The following GALNT13 variants were observed in gnomAD, a reference collection of about 807,000 sequenced individuals.
GALNT13 encodes polypeptide N-acetylgalactosaminyltransferase 13.
A neutral mutation model predicts 64.2 loss-of-function variants in GALNT13; 28 were observed. The observed-to-expected ratio is 0.44, with a 90% CI of 0.32 to 0.60. GALNT13 has a LOEUF of 0.60. Ranked by LOEUF, GALNT13 falls within the 20% of genes least tolerant of loss-of-function variation. The pLI is 0.05. For missense variants in GALNT13, 577 were observed against 669.8 expected, an observed-to-expected ratio of 0.86 and a Z score of 1.53; for synonymous variants, 214 against 224.6, an observed-to-expected ratio of 0.95 and a Z score of 0.42.
At chr2:154,190,849 T>C (rs1414906016) in intron 4 of GALNT13, among the ~76,000 whole-genome samples, 1 of 152,226 alleles carries the variant, frequency 6.6e-6, no homozygotes, top group African/African-American at 2.4e-5. Context: ...ATTTATCCAA[T>C]ATATCAAAAA....
intron 3 of GALNT13, among the ~76,000 whole-genome samples, chr2:154,066,507 C>T (rs1173840784): frequency 1.3e-5 from 2 of 151,848 alleles, no homozygotes; most frequent in Non-Finnish European, 2.9e-5. Flanking sequence ...AAATAACATA[C>T]AATGGAGTTC....
At chr2:154,388,115 A>G (rs1027711627) in intron 9 of GALNT13, among the ~76,000 whole-genome samples, 1 of 152,162 alleles carries the variant, frequency 6.6e-6, no homozygotes, top group Non-Finnish European at 1.5e-5. Context: ...TCACTCTAAC[A>G]GGTGCGAGAC....
chr2:153,451,109 A>G, the GALNT13 span, among the ~76,000 whole-genome samples: 1 of 152,176 alleles, frequency 6.6e-6, no homozygotes, highest in East Asian at 1.9e-4. Flanking sequence ...AAAAAGTATT[A>G]TAATTAAGTA....
At chr2:153,673,249 C>A in the GALNT13 span, among the ~76,000 whole-genome samples, 2 of 151,892 alleles carry the variant, frequency 1.3e-5, no homozygotes, top group Non-Finnish European at 2.9e-5. Context: ...GGCAGAGACA[C>A]AACAAAAAAA....
chr2:154,126,554 G>C (rs530751237), intron 3 of GALNT13, among the ~76,000 whole-genome samples: 1 of 150,914 alleles, frequency 6.6e-6, no homozygotes, highest in Non-Finnish European at 1.5e-5. Context: ...AGAATGGCGT[G>C]AACCCGGGAG....
chr2:154,266,982 G>T (rs921764495), intron 8 of GALNT13, among the ~76,000 whole-genome samples: 1 of 151,994 alleles, frequency 6.6e-6, no homozygotes, highest in Admixed American at 6.6e-5. Context: ...AATCAAGACT[G>T]TGTGTTATTA....
the GALNT13 span, among the ~76,000 whole-genome samples, chr2:153,466,953 G>A: frequency 6.6e-6 from 1 of 151,878 alleles, no homozygotes; most frequent in Non-Finnish European, 1.5e-5. Context: ...CAGAATAGGG[G>A]AAATTTATAA....
chr2:153,980,305 T>TA (rs1694375079), intron 3 of GALNT13, among the ~76,000 whole-genome samples: 1 of 152,052 alleles, frequency 6.6e-6, no homozygotes, highest in South Asian at 2.1e-4. Flanking sequence ...AGATATGCAC[T>TA]AAAAAGGATT....
intron 9 of GALNT13, among the ~76,000 whole-genome samples, chr2:154,305,549 AT>A (rs1369081444): frequency 1.3e-5 from 2 of 152,016 alleles, no homozygotes; most frequent in Non-Finnish European, 2.9e-5. Flanking sequence ...GTTTTGTGAG[AT>A]TTCTACTTTT....
intron 3 of GALNT13, among the ~76,000 whole-genome samples, chr2:154,029,080 T>A (rs760274021): frequency 2.0e-5 from 3 of 151,946 alleles, no homozygotes; most frequent in African/African-American, 7.2e-5. Context: ...GCAACCCTAT[T>A]GACTGCAGAT....
At chr2:154,117,726 A>G (rs76059167) in intron 3 of GALNT13, among the ~76,000 whole-genome samples, 1 of 152,230 alleles carries the variant, frequency 6.6e-6, no homozygotes, top group Admixed American at 6.5e-5. Flanking sequence ...AAATAAAAAC[A>G]TAAAGTGGGG....
At chr2:153,181,279 C>A in the GALNT13 span, among the ~76,000 whole-genome samples, 2 of 150,466 alleles carry the variant, frequency 1.3e-5, no homozygotes, top group East Asian at 3.9e-4. Context: ...TTCAGGAGTA[C>A]GTTTTAAAAT....
the GALNT13 span, among the ~76,000 whole-genome samples, chr2:153,450,782 G>A: frequency 2.0e-5 from 3 of 152,124 alleles, no homozygotes; most frequent in Non-Finnish European, 4.4e-5. Context: ...GTAGCCAGTT[G>A]CAATTGACCA....
the GALNT13 span, among the ~76,000 whole-genome samples, chr2:153,139,497 T>A: frequency 6.6e-6 from 1 of 151,884 alleles, no homozygotes; most frequent in African/African-American, 2.4e-5. Flanking sequence ...TTGCCTACGA[T>A]GGGGCGAGGG....
In GALNT13 at chr2:153,940,343, C is replaced by T. The variant is rs1326383481; in HGVS notation, c.-104-4051C>T. Among the ~76,000 whole-genome samples the T allele has an allele frequency of 4.6e-5, 7 of 151,264 alleles. 1 individual carries two copies. Among genetic ancestry groups the T allele is most frequent in the Admixed American group, 1.3e-4 (2 of 15,140 alleles). On this transcript the variant is annotated intron_variant, in intron 2 of 12. Transcript: ENST00000392825. ...TACAATCTCAGCTCACTGCAACCTC[C>T]GCCCCCCAGGTTCAAGTGATTTTCC...
chr2:154,343,071 C>T (rs975684729), intron 9 of GALNT13, among the ~76,000 whole-genome samples: 5 of 151,860 alleles, frequency 3.3e-5, no homozygotes, highest in African/African-American at 9.7e-5. Flanking sequence ...AGAATACAAA[C>T]TTGGGTGGAT....
chr2:154,242,738 A>C lies in GALNT13; in HGVS notation c.519A>C (p.Leu173Phe). 1 of 1,613,590 alleles carries C rather than the reference A, an allele frequency of 6.2e-7. No individual in the cohort carries two copies. The highest frequency in any genetic ancestry group is 2.2e-5 in the East Asian group (1 of 44,856). ...CATTAGAGAATTACGTGAAAAATTT[A>C]GAAGTGCCAGTAAAAATTATTAGGA... Reference protein sequence around the residue: ...KLTLENYVKNLEVPVKIIRME... With the variant: ...KLTLENYVKNFEVPVKIIRME... Residue 173 changes from leucine to phenylalanine, a missense_variant, in exon 6 of 13, where the codon TTA becomes TTC. This residue lies in a region of GALNT13 where 341 missense variants were observed against 379.3 expected (regional missense o/e 0.90). Coordinates refer to ENST00000392825, the MANE Select transcript of GALNT13 (RefSeq NM_052917.4).
At chr2:154,311,666 G>A (rs953719587) in intron 9 of GALNT13, among the ~76,000 whole-genome samples, 1 of 152,086 alleles carries the variant, frequency 6.6e-6, no homozygotes, top group African/African-American at 2.4e-5. Flanking sequence ...TTTATTAGGC[G>A]GGAATTTCCT....
At chr2:153,146,783 A>G in the GALNT13 span, among the ~76,000 whole-genome samples, 2 of 151,896 alleles carry the variant, frequency 1.3e-5, no homozygotes, top group African/African-American at 2.4e-5. Flanking sequence ...AGATATTCAT[A>G]GAATATTTAT....
Sources: allele counts gnomAD v4.1 joint callset (sites outside exome capture counted in the v4.1 genomes callset), GRCh38; gene constraint gnomAD v4.1.1; regional missense constraint gnomAD v4.1.1; transcripts MANE v1.5; gene names NCBI Gene and HGNC (gene_info 2026-07-23, HGNC 2026-07-21).